Variants in VTI1A observed in about 807,000 individuals in gnomAD.
VTI1A encodes vesicle transport through interaction with t-SNAREs homolog 1A.
A neutral mutation model predicts 34.9 loss-of-function variants in VTI1A; 22 were observed. That is an observed-to-expected ratio of 0.63 (90% confidence interval 0.45 to 0.90). The LOEUF is 0.90. Among genes scored for constraint, VTI1A ranks in the 40% least tolerant of loss-of-function variants. The pLI is 0.00. For synonymous variants in VTI1A, 87 were observed against 97.3 expected, an observed-to-expected ratio of 0.89 and a Z score of 0.62; for missense variants, 268 against 275.6, an observed-to-expected ratio of 0.97 and a Z score of 0.20.
intron 5 of VTI1A, among the ~76,000 whole-genome samples, chr10:112,602,830 T>A (rs918501357): frequency 1.3e-5 from 2 of 152,236 alleles, no homozygotes; most frequent in Non-Finnish European, 1.5e-5. Flanking sequence ...TGATTTTTTT[T>A]ATGAAAGCCT....
chr10:112,648,371 G>A (rs961723151), intron 5 of VTI1A, among the ~76,000 whole-genome samples: 1 of 152,192 alleles, frequency 6.6e-6, no homozygotes, highest in East Asian at 1.9e-4. Flanking sequence ...GTGATATTCA[G>A]TGGCAATCCT....
intron 3 of VTI1A, among the ~76,000 whole-genome samples, chr10:112,507,891 C>A (rs1849485370): frequency 6.6e-6 from 1 of 152,120 alleles, no homozygotes; most frequent in Non-Finnish European, 1.5e-5. Context: ...AGGTTTCCCC[C>A]ACTCCACCAC....
Position 112,554,493 on chromosome 10 carries a change from A to G in VTI1A, c.427+16163A>G, listed in dbSNP as rs551899945. Among the ~76,000 whole-genome samples the G allele has an allele frequency of 2.3e-4, 35 of 152,314 alleles. No homozygotes were observed. The South Asian group carries it at 7.0e-3, about 31-fold the overall frequency. On this transcript the variant is annotated intron_variant, in intron 5 of 7. Coordinates refer to ENST00000393077, the MANE Select transcript of VTI1A (RefSeq NM_145206.4). The stretch of plus-strand genomic sequence containing the variant: ...ATGGGGGAAACTGGATGTAGAGTAA[A>G]TGGAAACTCTGTGCCATGAGCATAA...
At chr10:112,511,238 A>C (rs1589846068) in intron 3 of VTI1A, among the ~76,000 whole-genome samples, 1 of 149,814 alleles carries the variant, frequency 6.7e-6, no homozygotes, top group Non-Finnish European at 1.5e-5. Flanking sequence ...TATGGGATAC[A>C]TGTGAGGTTT....
chr10:112,530,834 G>C (rs1006380379), intron 4 of VTI1A, among the ~76,000 whole-genome samples: 1 of 152,120 alleles, frequency 6.6e-6, no homozygotes, highest in Non-Finnish European at 1.5e-5. Flanking sequence ...AGCCCTGGCA[G>C]AGCAGATCAT....
the VTI1A span, among the ~76,000 whole-genome samples, chr10:112,854,587 C>A: frequency 6.6e-6 from 1 of 152,142 alleles, no homozygotes; most frequent in African/African-American, 2.4e-5. Context: ...GACTTTCGAC[C>A]GTCTCATTTC....
In VTI1A at chr10:112,811,378, G is replaced by C. The variant is rs914771350; in HGVS notation, c.561-3912G>C. On this transcript the variant is annotated intron_variant, in intron 7 of 7. Coordinates refer to ENST00000393077, the MANE Select transcript of VTI1A (RefSeq NM_145206.4). ...GCTCTCATTTCTTTAGCCAAAGCTA[G>C]TTCCATGACCAAGCCTAACATTAAG... 3.3e-5 allele frequency among the ~76,000 whole-genome samples: 5 copies of C among 152,306 alleles called. No homozygotes were observed. The South Asian group carries it at 1.0e-3, about 32-fold the overall frequency.
chr10:112,852,435 T>G, the VTI1A span, among the ~76,000 whole-genome samples: 148 of 152,328 alleles, frequency 9.7e-4, no homozygotes, highest in Admixed American at 1.1e-3. Context: ...ATTCTCTGCC[T>G]TCTTTGGAGA....
At chr10:112,703,490 C>T (rs1202507907) in intron 7 of VTI1A, among the ~76,000 whole-genome samples, 3 of 151,882 alleles carry the variant, frequency 2.0e-5, no homozygotes, top group African/African-American at 4.8e-5. Context: ...TCGCTTGAAC[C>T]GGGAGATGAA....
the VTI1A span, among the ~76,000 whole-genome samples, chr10:112,828,028 G>A: frequency 6.6e-6 from 1 of 152,050 alleles, no homozygotes; most frequent in Non-Finnish European, 1.5e-5. Flanking sequence ...TCTCCTCACT[G>A]AGCCTCAGTT....
intron 5 of VTI1A, among the ~76,000 whole-genome samples, chr10:112,645,131 G>A (rs537330333): frequency 1.8e-4 from 27 of 152,254 alleles, no homozygotes; most frequent in African/African-American, 6.3e-4. Flanking sequence ...GTCATATTTG[G>A]TTTTGTATTC....
At chr10:112,512,727 G>T (rs573674065) in intron 3 of VTI1A, among the ~76,000 whole-genome samples, 2 of 152,228 alleles carry the variant, frequency 1.3e-5, no homozygotes, top group East Asian at 3.9e-4. Flanking sequence ...TGTATATGGT[G>T]AGAGATAGGG....
intron 2 of VTI1A, among the ~76,000 whole-genome samples, chr10:112,461,187 T>A (rs1847713641): frequency 6.6e-6 from 1 of 152,234 alleles, no homozygotes; most frequent in Admixed American, 6.5e-5. Flanking sequence ...AGATGTATGC[T>A]TACAACAGCA....
In VTI1A at chr10:112,448,543, G is replaced by T. The variant is rs572878999; in HGVS notation, c.94+1076G>T. 12 of 152,294 alleles carry T rather than the reference G, an allele frequency of 7.9e-5. No homozygotes were observed. In the South Asian group the frequency reaches 2.1e-3, roughly 26 times the overall value. The allele number at this position is 152,294 out of a possible 1,614,324, so 9.4% of individuals were successfully genotyped here. On this transcript the variant is annotated intron_variant, in intron 1 of 7. Coordinates refer to ENST00000393077, the MANE Select transcript of VTI1A (RefSeq NM_145206.4). ...ATGGTTTGTACAATGTTGATTCGGGGACTATCTTTCTCTACAGATTAGAGT... is the reference window on the plus strand; with the variant it reads ...ATGGTTTGTACAATGTTGATTCGGGTACTATCTTTCTCTACAGATTAGAGT...
intron 5 of VTI1A, among the ~76,000 whole-genome samples, chr10:112,586,739 A>G (rs1220653825): frequency 6.6e-6 from 1 of 152,196 alleles, no homozygotes; most frequent in African/African-American, 2.4e-5. Context: ...AAGTCAAAAC[A>G]GTTACTCTCA....
At chr10:112,760,609 G>A (rs1353053527) in intron 7 of VTI1A, among the ~76,000 whole-genome samples, 1 of 152,186 alleles carries the variant, frequency 6.6e-6, no homozygotes, top group Non-Finnish European at 1.5e-5. Context: ...AGAAAAACCA[G>A]TCCAGGCACA....
the VTI1A span, among the ~76,000 whole-genome samples, chr10:112,853,234 A>G: frequency 6.6e-6 from 1 of 152,168 alleles, no homozygotes; most frequent in Admixed American, 6.5e-5. Context: ...TCCAGTGACC[A>G]TGTCTGTGAG....
chr10:112,788,152 A>G (rs1231107541), intron 7 of VTI1A, among the ~76,000 whole-genome samples: 1 of 152,028 alleles, frequency 6.6e-6, no homozygotes, highest in Non-Finnish European at 1.5e-5. Flanking sequence ...TGTATGTTCT[A>G]TAAATGTTGA....
intron 1 of VTI1A, chr10:112,449,804 T>C (rs968984150): frequency 1.3e-5 from 2 of 152,206 alleles, no homozygotes; most frequent in African/African-American, 2.4e-5. Context: ...TGTAGTATTA[T>C]ATAAGGCCCA....
Sources: gnomAD v4.1 joint callset for allele counts (sites outside exome capture counted in the v4.1 genomes callset) on GRCh38, gnomAD v4.1.1 for gene constraint, MANE v1.5 for transcripts, NCBI Gene and HGNC (gene_info 2026-07-23, HGNC 2026-07-21) for gene names.